SEMA3A: variants seen among roughly 807,000 people sequenced by gnomAD.
SEMA3A encodes semaphorin 3A, also known as semaphorin-3A.
A neutral mutation model predicts 97.9 loss-of-function variants in SEMA3A; 29 were observed. That is an observed-to-expected ratio of 0.30 (90% CI 0.22 to 0.40). The LOEUF is 0.40. Ranked by LOEUF, SEMA3A falls within the 10% of genes least tolerant of loss-of-function variation. SEMA3A has a pLI of 1.00. For missense variants in SEMA3A, 763 were observed against 951.3 expected (o/e 0.80, Z 2.60); for synonymous variants, 321 against 323.7 (o/e 0.99, Z 0.09).
intron 3 of SEMA3A, among the ~76,000 whole-genome samples, chr7:84,245,356 T>C (rs1799454632): frequency 6.6e-6 from 1 of 152,090 alleles, no homozygotes; most frequent in South Asian, 2.1e-4. Flanking sequence ...CAATCTCTGA[T>C]ATCCTTTCTT....
chr7:84,092,373 T>C (rs1351032588), intron 4 of SEMA3A, among the ~76,000 whole-genome samples: 1 of 152,170 alleles, frequency 6.6e-6, no homozygotes, highest in Non-Finnish European at 1.5e-5. Flanking sequence ...CCTTTGTTTC[T>C]ACTTGTCTCC....
chr7:84,325,563 A>G (rs1299102432), intron 2 of SEMA3A, among the ~76,000 whole-genome samples: 1 of 152,020 alleles, frequency 6.6e-6, no homozygotes, highest in Non-Finnish European at 1.5e-5. Flanking sequence ...GCTAGGTGAC[A>G]GGTGGCAAAG....
In SEMA3A at chr7:84,452,918, T is replaced by TGG. The variant is rs35329413; in HGVS notation, c.-246+39540_-246+39541dup. On this transcript the variant is annotated intron_variant, in intron 1 of 3. Coordinates refer to the SEMA3A transcript ENST00000424555. ...TGTGAAAGCAAACAAGGGCCTTTTT[T>TGG]GGGGGGGAAGTAAATCTTTATACAC... is the stretch of plus-strand genomic sequence containing the variant. Among the ~76,000 whole-genome samples the TGG allele has an allele frequency of 7.8e-4, 118 of 152,130 alleles. 1 individual carries two copies. Among genetic ancestry groups the TGG allele is most frequent in the African/African-American group, 2.5e-3 (102 of 41,492 alleles).
chr7:84,121,436 C>G (rs1170804973), intron 3 of SEMA3A, among the ~76,000 whole-genome samples: 1 of 150,748 alleles, frequency 6.6e-6, no homozygotes, highest in Non-Finnish European at 1.5e-5. Flanking sequence ...TGTTCAATTC[C>G]CACCTATGAG....
At chr7:84,362,987 T>G (rs1024956751) in intron 2 of SEMA3A, among the ~76,000 whole-genome samples, 5 of 151,806 alleles carry the variant, frequency 3.3e-5, no homozygotes, top group Non-Finnish European at 1.5e-5. Flanking sequence ...ATTTACAAAG[T>G]AAACAGCAGT....
intron 1 of SEMA3A, among the ~76,000 whole-genome samples, chr7:84,145,564 T>G (rs1174018210): frequency 6.6e-6 from 1 of 152,202 alleles, no homozygotes; most frequent in Non-Finnish European, 1.5e-5. Flanking sequence ...AATTATACCA[T>G]TTAAACCTTA....
At chr7:84,406,078 A>T (rs1229719615) in intron 1 of SEMA3A, among the ~76,000 whole-genome samples, 20 of 152,196 alleles carry the variant, frequency 1.3e-4, no homozygotes, top group Non-Finnish European at 2.6e-4. Context: ...TAGAGACACA[A>T]AAAAACCTTC....
chr7:84,110,493 T>C lies in SEMA3A; in HGVS notation c.430A>G (p.Ile144Val). ...TGAFHPICTY[I>V]EIGHHPEDNI... ...ACCTCAGGATGATGTCCAATTTCAATGTAGGTGCAAATTGGATGAAAAGCC... is the reference window on the plus strand; with the variant it reads ...ACCTCAGGATGATGTCCAATTTCAACGTAGGTGCAAATTGGATGAAAAGCC... The change falls in exon 4 of 17, where the codon ATT (isoleucine) becomes GTT (valine). Residue 144 changes from isoleucine (I) to valine (V), a missense_variant. Coordinates refer to ENST00000265362, the MANE Select transcript of SEMA3A (RefSeq NM_006080.3). 1 of 1,613,942 alleles carries C rather than the reference T, an allele frequency of 6.2e-7. No individual in the cohort carries two copies. The highest frequency in any genetic ancestry group is 1.1e-5 in the South Asian group (1 of 91,076).
intron 4 of SEMA3A, among the ~76,000 whole-genome samples, chr7:84,076,240 C>T (rs919680636): frequency 6.6e-6 from 1 of 151,986 alleles, no homozygotes; most frequent in South Asian, 2.1e-4. Flanking sequence ...AGCTATTAGC[C>T]AAGAACAATC....
At chr7:84,212,314 A>G (rs1364165202) in intron 3 of SEMA3A, among the ~76,000 whole-genome samples, 1 of 152,198 alleles carries the variant, frequency 6.6e-6, no homozygotes, top group Non-Finnish European at 1.5e-5. Flanking sequence ...TAAAAACAAA[A>G]ACTATTTAGA....
At chr7:84,063,456 C>G (rs370849114) in intron 4 of SEMA3A, among the ~76,000 whole-genome samples, 1 of 126,674 alleles carries the variant, frequency 7.9e-6, no homozygotes, top group African/African-American at 2.8e-5. Flanking sequence ...AGGCTTCAGA[C>G]GATCAAATTA....
chr7:84,072,548 C>G (rs1793779488), intron 4 of SEMA3A, among the ~76,000 whole-genome samples: 1 of 151,918 alleles, frequency 6.6e-6, no homozygotes, highest in Non-Finnish European at 1.5e-5. Flanking sequence ...GATATGTTCA[C>G]CTTGTATTTA....
At position 84,148,004 on chromosome 7, in the gene SEMA3A, G is replaced by A. The variant is rs572651938; in HGVS notation, c.113-13053C>T. 1.3e-3 allele frequency among the ~76,000 whole-genome samples: 201 copies of A among 152,042 alleles called. 1 individual carries two copies. The highest frequency in any genetic ancestry group is 4.7e-3 in the African/African-American group (195 of 41,468). On this transcript the variant is annotated intron_variant, in intron 1 of 16. Coordinates refer to ENST00000265362, the MANE Select transcript of SEMA3A (RefSeq NM_006080.3). ...GGCTCACTGCAACCTCTGCCTCCTG[G>A]GTTCAAGGGATTCTCATGCCTCGGC...
At chr7:84,487,789 G>A (rs1440913888) in intron 1 of SEMA3A, among the ~76,000 whole-genome samples, 1 of 151,662 alleles carries the variant, frequency 6.6e-6, no homozygotes, top group Non-Finnish European at 1.5e-5. Flanking sequence ...TTTAAAAATC[G>A]TTTTTTTCTC....
chr7:84,213,445 A>G (rs1296672271), intron 3 of SEMA3A, among the ~76,000 whole-genome samples: 4 of 152,008 alleles, frequency 2.6e-5, no homozygotes, highest in Non-Finnish European at 4.4e-5. Context: ...CACTCAGCTA[A>G]TTTTTATTTT....
At chr7:84,255,799 A>AT (rs59945843) in intron 3 of SEMA3A, among the ~76,000 whole-genome samples, 10,969 of 150,260 alleles carry the variant, frequency 0.073, 525 homozygotes, top group Non-Finnish European at 0.084. Context: ...CTCGGCACTG[A>AT]TTTTTTTTTT....
intron 3 of SEMA3A, among the ~76,000 whole-genome samples, chr7:84,229,003 T>C (rs551640074): frequency 5.6e-4 from 85 of 152,228 alleles, no homozygotes; most frequent in Middle Eastern, 6.8e-3. Context: ...TTCTGACTTA[T>C]TTTTCTTACT....
intron 1 of SEMA3A, among the ~76,000 whole-genome samples, chr7:84,173,321 C>A (rs1455252721): frequency 6.6e-6 from 1 of 151,702 alleles, no homozygotes; most frequent in East Asian, 1.9e-4. Flanking sequence ...TTTGGGAGGC[C>A]GAGGCGGGTG....
At chr7:84,035,554 T>A (rs1791912553) in intron 6 of SEMA3A, among the ~76,000 whole-genome samples, 1 of 152,154 alleles carries the variant, frequency 6.6e-6, no homozygotes, top group East Asian at 1.9e-4. Context: ...AAAATTAAAA[T>A]CTTAAAGCAA....
Sources: gnomAD v4.1 joint callset for allele counts (sites outside exome capture counted in the v4.1 genomes callset) on GRCh38, gnomAD v4.1.1 for gene constraint, MANE v1.5 for transcripts, NCBI Gene and HGNC (gene_info 2026-07-23, HGNC 2026-07-21) for gene names.